Variants in STAG2 observed in about 807,000 individuals in gnomAD.
The protein encoded by STAG2 is STAG2 cohesin complex component.
Under a neutral mutation model 108.1 loss-of-function variants are expected in STAG2, and 14 were observed. The ratio of observed to expected loss-of-function variants is 0.13; its 90% confidence interval spans 0.09 to 0.20. The LOEUF is 0.20. Among genes scored for constraint, STAG2 ranks in the 10% least tolerant of loss-of-function variants. The pLI, the probability that STAG2 is intolerant of heterozygous loss-of-function variation, is 1.00. For synonymous variants in STAG2, 307 were observed against 302.7 expected (o/e 1.01, Z -0.15); for missense variants, 440 against 940.9 (o/e 0.47, Z 6.96).
intron 1 of STAG2, among the ~76,000 whole-genome samples, chrX:123,971,667 A>G (rs1031654790): frequency 2.7e-5 from 3 of 111,322 alleles, no homozygotes; most frequent in African/African-American, 9.8e-5. Flanking sequence ...TTGAAAAGCA[A>G]CTTTCCTGAG....
chrX:123,963,451 T>G (rs1331337691), intron 1 of STAG2: 1 of 111,381 alleles, frequency 9.0e-6, no homozygotes, highest in African/African-American at 3.3e-5. Context: ...TGGGGTTAAT[T>G]TTCAACATTT....
intron 13 of STAG2, among the ~76,000 whole-genome samples, chrX:124,054,661 C>T (rs1385884313): frequency 8.9e-6 from 1 of 112,030 alleles, no homozygotes; most frequent in Non-Finnish European, 1.9e-5. Flanking sequence ...TTTCAGCCAT[C>T]TATATACCTA....
intron 13 of STAG2, among the ~76,000 whole-genome samples, chrX:124,054,108 T>G (rs1359596855): frequency 8.9e-6 from 1 of 112,338 alleles, no homozygotes; most frequent in Non-Finnish European, 1.9e-5. Context: ...TAAATTGGTC[T>G]AAGCTCCTTG....
Position 124,095,390 on chromosome X carries a change from C to T in STAG2, c.3724C>T (p.Arg1242Ter), listed in dbSNP as rs867285087. The change falls in exon 34 of 35, where the codon CGA becomes TGA. Residue 1242 changes from arginine to a stop codon, truncating the protein, a stop_gained. Coordinates refer to ENST00000371145, the MANE Select transcript of STAG2 (RefSeq NM_001042750.2). LOFTEE classifies it high-confidence loss of function. Reference protein sequence around the residue: ...DIDLPPSKNRRERTELKPDFF... With the variant: ...DIDLPPSKNR The stretch of plus-strand genomic sequence containing the variant: ...CCTTTAGCCACCATCAAAGAACAGA[C>T]GAGAGAGAACAGAACTGAAGCCTGA... The T allele has an allele frequency of 8.3e-7, 1 of 1,209,196 alleles. No homozygotes were observed. The highest frequency in any genetic ancestry group is 1.1e-6 in the Non-Finnish European group (1 of 893,274).
At chrX:124,063,689 GTATT>G (rs963740464) in intron 19 of STAG2, among the ~76,000 whole-genome samples, 155 bp from the exon 20 acceptor site, 15 of 111,685 alleles carry the variant, frequency 1.3e-4, no homozygotes, top group African/African-American at 4.5e-4. Context: ...ATGGATCAGT[GTATT>G]TATTTATCAT....
At chrX:124,017,349 A>T (rs1258772408) in intron 1 of STAG2, among the ~76,000 whole-genome samples, 2 of 109,895 alleles carry the variant, frequency 1.8e-5, no homozygotes, top group Non-Finnish European at 3.8e-5. Context: ...AGCTGGGACT[A>T]TAGGTGCACA....
At chrX:123,988,736 C>T (rs1436911262) in intron 1 of STAG2, among the ~76,000 whole-genome samples, 1 of 111,670 alleles carries the variant, frequency 9.0e-6, no homozygotes, top group Non-Finnish European at 1.9e-5. Context: ...TACTACAAGA[C>T]ACAGTGCACC....
chrX:123,992,279 A>G (rs1358720865), intron 1 of STAG2, among the ~76,000 whole-genome samples: 2 of 111,382 alleles, frequency 1.8e-5, no homozygotes, highest in African/African-American at 6.5e-5. Context: ...CAGCATTAAA[A>G]TCCTTAATTT....
chrX:123,995,785 G>T (rs901406799), intron 1 of STAG2, among the ~76,000 whole-genome samples: 1 of 112,398 alleles, frequency 8.9e-6, no homozygotes, highest in African/African-American at 3.2e-5. Context: ...AAGAAAAATA[G>T]AGAAGTGCTT....
intron 1 of STAG2, among the ~76,000 whole-genome samples, chrX:124,016,375 CAAT>C (rs1463668571): frequency 2.7e-5 from 3 of 111,511 alleles, no homozygotes; most frequent in African/African-American, 6.5e-5. Context: ...TTTGTACTAA[CAAT>C]AAGATTGTAA....
At chrX:124,082,149 G>A (rs1019332480) in intron 28 of STAG2, among the ~76,000 whole-genome samples, 1 of 105,421 alleles carries the variant, frequency 9.5e-6, no homozygotes, top group Non-Finnish European at 2.0e-5. Context: ...CTCATTGTCA[G>A]ATAGAGAAAT....
At chrX:123,980,754 A>G (rs1280602716) in intron 1 of STAG2, among the ~76,000 whole-genome samples, 4 of 111,993 alleles carry the variant, frequency 3.6e-5, no homozygotes, top group East Asian at 2.8e-4. Context: ...CAACATTGGT[A>G]TTAGTGTGGC....
rs1407172018 is a variant in STAG2, at chrX:124,076,449, A to G, written c.2651A>G (p.Asp884Gly). The change falls in exon 26 of 35, where the codon GAT becomes GGT. Residue 884 changes from aspartate to glycine, a missense_variant. This residue lies in a region of STAG2 where 337 missense variants were observed against 649.3 expected (regional missense o/e 0.52). Transcript: ENST00000371145. ...YTVVEMNTAA[D>G]IFKQYMKYYN... ...GTGGTGGAGATGAATACAGCTGCAG[A>G]TATCTTCAAACAGTATATGAAGGTA... 1 of 1,189,272 alleles carries G rather than the reference A, an allele frequency of 8.4e-7. No homozygotes were observed. The highest frequency in any genetic ancestry group is 1.1e-6 in the Non-Finnish European group (1 of 885,398).
intron 1 of STAG2, among the ~76,000 whole-genome samples, chrX:123,979,227 A>G (rs1261220299): frequency 9.0e-6 from 1 of 111,096 alleles, no homozygotes; most frequent in African/African-American, 3.3e-5. Context: ...TTCCTTGGCC[A>G]TCTCATTAAA....
chrX:124,001,086 G>GA (rs1211588777), intron 1 of STAG2, among the ~76,000 whole-genome samples: 1 of 110,933 alleles, frequency 9.0e-6, no homozygotes, highest in Non-Finnish European at 1.9e-5. Context: ...TATTGAAGAA[G>GA]AAAAAAAATT....
chrX:124,058,012 G>T, intron 15 of STAG2, 35 bp downstream of exon 15: 1 of 963,962 alleles, frequency 1.0e-6, no homozygotes, highest in Non-Finnish European at 1.4e-6. Flanking sequence ...ACTTAGGTTC[G>T]AAAAATTTTG....
intron 1 of STAG2, among the ~76,000 whole-genome samples, chrX:124,007,540 C>T (rs1373841316): frequency 9.0e-6 from 1 of 111,443 alleles, no homozygotes; most frequent in Non-Finnish European, 1.9e-5. Context: ...ATGAGTATGA[C>T]ATTTTCCTTA....
chrX:123,971,447 G>A (rs777276302), intron 1 of STAG2, among the ~76,000 whole-genome samples: 1 of 111,828 alleles, frequency 8.9e-6, no homozygotes, highest in Non-Finnish European at 1.9e-5. Context: ...AATAAAACCT[G>A]TAGAGATTTC....
chrX:124,033,985 C>T (rs1340376992), intron 5 of STAG2, among the ~76,000 whole-genome samples: 1 of 111,114 alleles, frequency 9.0e-6, no homozygotes, highest in African/African-American at 3.3e-5. Context: ...TTATTGCCAT[C>T]TATAGGCTCC....
Sources: gnomAD v4.1 joint callset for allele counts (sites outside exome capture counted in the v4.1 genomes callset) on GRCh38, gnomAD v4.1.1 for gene constraint, gnomAD v4.1.1 regional missense constraint, MANE v1.5 for transcripts, NCBI Gene and HGNC (gene_info 2026-07-23, HGNC 2026-07-21) for gene names.